The following EBF2 variants were observed in gnomAD, a reference collection of about 807,000 sequenced individuals.
EBF2 encodes transcription factor COE2.
In EBF2, 21 loss-of-function variants were observed where a neutral mutation model predicts 72.8. The ratio of observed to expected loss-of-function variants is 0.29; its 90% CI spans 0.20 to 0.42. The LOEUF is 0.42. Ranked by LOEUF, EBF2 falls within the 10% of genes least tolerant of loss-of-function variation. The pLI is 1.00. For missense variants in EBF2, 637 were observed against 731.2 expected (o/e 0.87, Z 1.49); for synonymous variants, 299 against 274.2 (o/e 1.09, Z -0.89).
At chr8:26,004,605 G>A (rs1804800939) in intron 6 of EBF2, among the ~76,000 whole-genome samples, 1 of 148,760 alleles carries the variant, frequency 6.7e-6, no homozygotes, top group Admixed American at 6.7e-5. Context: ...AACCAGGGAG[G>A]CAGAGGTTGC....
In EBF2 at chr8:25,861,172, T is replaced by C. The variant is rs1161464415; in HGVS notation, c.1219A>G (p.Arg407Gly). The change falls in exon 13 of 16, where the codon AGG becomes GGG. Residue 407 changes from arginine to glycine, a missense_variant. By Grantham distance (125) the Arg-to-Gly change is moderately radical. Coordinates refer to ENST00000520164, the MANE Select transcript of EBF2 (RefSeq NM_022659.4). The part of the protein sequence containing the change: ...DIAEALYSVP[R>G]NPSQLPALSS... Reference sequence around the variant, plus strand: ...AGGGCTGGAAGCTGGCTGGGATTCCTGGGGACGCTGTAGAGAGCTTCAGCA... The same window carrying C: ...AGGGCTGGAAGCTGGCTGGGATTCCCGGGGACGCTGTAGAGAGCTTCAGCA... The C allele has an allele frequency of 6.2e-7, 1 of 1,614,092 alleles. No individual in the cohort carries two copies. The highest frequency in any genetic ancestry group is 8.5e-7 in the Non-Finnish European group (1 of 1,179,990).
chr8:25,863,307 TA>T (rs1802243693), intron 10 of EBF2, among the ~76,000 whole-genome samples: 1 of 152,106 alleles, frequency 6.6e-6, no homozygotes, highest in Non-Finnish European at 1.5e-5. Context: ...AATTTTCAAT[TA>T]TATTTAATTA....
chr8:25,916,860 G>C (rs2117129918), intron 6 of EBF2, among the ~76,000 whole-genome samples: 2 of 152,214 alleles, frequency 1.3e-5, no homozygotes, highest in Middle Eastern at 6.8e-3. Context: ...CCTGGAAGTG[G>C]CATTTCAGTT....
intron 6 of EBF2, among the ~76,000 whole-genome samples, chr8:25,929,590 C>T (rs1563403848): frequency 6.6e-6 from 1 of 152,022 alleles, no homozygotes; most frequent in South Asian, 2.1e-4. Context: ...CCTTAATAAA[C>T]ATGTGTGCTT....
intron 6 of EBF2, among the ~76,000 whole-genome samples, chr8:25,996,295 C>CAAAAAAA (rs72054331): frequency 8.0e-6 from 1 of 125,522 alleles, no homozygotes. Flanking sequence ...GACCCTGTCT[C>CAAAAAAA]AAAAAAAAAA....
chr8:26,032,807 G>A (rs778191954), intron 6 of EBF2: 62 of 340,006 alleles, frequency 1.8e-4, no homozygotes, highest in Non-Finnish European at 3.2e-4. Context: ...AAGGAGAGGT[G>A]CCATCGCTTA....
intron 7 of EBF2, among the ~76,000 whole-genome samples, chr8:25,899,325 T>C (rs1227736459): frequency 2.0e-5 from 3 of 151,844 alleles, no homozygotes; most frequent in Admixed American, 6.6e-5. Flanking sequence ...GATAATGGAC[T>C]CACCTGCTGA....
At chr8:25,968,250 C>T (rs551612068) in intron 6 of EBF2, among the ~76,000 whole-genome samples, 33 of 151,810 alleles carry the variant, frequency 2.2e-4, no homozygotes, top group Admixed American at 6.6e-4. Context: ...CAAAGCAGTG[C>T]GATTCACCAT....
At chr8:26,007,238 G>A (rs1203774013) in intron 6 of EBF2, among the ~76,000 whole-genome samples, 1 of 152,140 alleles carries the variant, frequency 6.6e-6, no homozygotes, top group Non-Finnish European at 1.5e-5. Flanking sequence ...TGGCCTCTTG[G>A]TGAGTGGACA....
At position 25,881,894 on chromosome 8, in the gene EBF2, G is replaced by A. The variant is rs1191523416; in HGVS notation, c.1009+4861C>T. Reference sequence around the variant, plus strand: ...CAGAATGTGGCTGGGGCAGTTGGAGGAGAACCTGGGCTGCCGAGAGGCCCG... The same window carrying A: ...CAGAATGTGGCTGGGGCAGTTGGAGAAGAACCTGGGCTGCCGAGAGGCCCG... On this transcript the variant is annotated intron_variant, in intron 10 of 15. Transcript: ENST00000520164. 2.6e-5 allele frequency among the ~76,000 whole-genome samples: 4 copies of A among 152,314 alleles called. No homozygotes were observed. In the East Asian group the frequency reaches 7.7e-4, roughly 29 times the overall value.
chr8:26,028,111 G>A (rs1422603068), intron 6 of EBF2, among the ~76,000 whole-genome samples: 1 of 151,954 alleles, frequency 6.6e-6, no homozygotes, highest in Non-Finnish European at 1.5e-5. Flanking sequence ...TGGCTAAGAT[G>A]GTAAATTTTA....
chr8:26,023,644 C>T (rs1805238768), intron 6 of EBF2, among the ~76,000 whole-genome samples: 1 of 152,108 alleles, frequency 6.6e-6, no homozygotes, highest in Non-Finnish European at 1.5e-5. Context: ...AACATCCAGG[C>T]TACTAAAAAA....
intron 6 of EBF2, among the ~76,000 whole-genome samples, chr8:25,959,351 C>T (rs1045508018): frequency 6.6e-6 from 1 of 151,890 alleles, no homozygotes; most frequent in Admixed American, 6.6e-5. Flanking sequence ...ATTACAGGCG[C>T]CCACCACCAT....
intron 15 of EBF2, among the ~76,000 whole-genome samples, chr8:25,847,346 G>A (rs567984862): frequency 6.6e-6 from 1 of 152,324 alleles, no homozygotes; most frequent in East Asian, 1.9e-4. Flanking sequence ...TCCAGCTGGT[G>A]TCTGAGATCC....
chr8:25,972,544 C>T (rs1351838507), intron 6 of EBF2, among the ~76,000 whole-genome samples: 2 of 152,234 alleles, frequency 1.3e-5, no homozygotes, highest in African/African-American at 4.8e-5. Context: ...ACACAAAATC[C>T]TTGGATTATT....
chr8:26,011,991 G>GA (rs1160471398), intron 6 of EBF2, among the ~76,000 whole-genome samples: 2 of 151,962 alleles, frequency 1.3e-5, no homozygotes, highest in African/African-American at 4.8e-5. Flanking sequence ...TGAAAGACCC[G>GA]AAGTCTGAGA....
At chr8:25,999,544 G>C (rs1804687649) in intron 6 of EBF2, among the ~76,000 whole-genome samples, 1 of 151,224 alleles carries the variant, frequency 6.6e-6, no homozygotes, top group Non-Finnish European at 1.5e-5. Flanking sequence ...CCGCAATCTT[G>C]GTCTCTCTAC....
intron 6 of EBF2, among the ~76,000 whole-genome samples, chr8:25,919,449 ATAC>A (rs1803274012): frequency 6.6e-6 from 1 of 152,196 alleles, no homozygotes; most frequent in Admixed American, 6.5e-5. Context: ...CAAAGTCACT[ATAC>A]TATCAGTGGC....
intron 6 of EBF2, among the ~76,000 whole-genome samples, chr8:25,908,972 CACTGGCCCCAG>C (rs1402314779): frequency 1.3e-5 from 2 of 152,192 alleles, no homozygotes; most frequent in Non-Finnish European, 2.9e-5. Flanking sequence ...TGTGGCTCTC[CACTGGCCCCAG>C]ACACCTTCAT....
Sources: allele counts gnomAD v4.1 joint callset (sites outside exome capture counted in the v4.1 genomes callset), GRCh38; gene constraint gnomAD v4.1.1; transcripts MANE v1.5; gene names NCBI Gene and HGNC (gene_info 2026-07-23, HGNC 2026-07-21).